The following HEATR4 variants were observed in gnomAD, a reference collection of about 807,000 sequenced individuals.
HEATR4 encodes HEAT repeat-containing protein 4.
HEATR4 carries 95 observed loss-of-function variants against 108.8 expected under a neutral mutation model. The ratio of observed to expected loss-of-function variants is 0.87; its 90% CI spans 0.74 to 1.04. The LOEUF (loss-of-function observed/expected upper bound fraction) is 1.04, where lower values mean the gene tolerates loss of function less well. HEATR4 is among the 50% of genes least tolerant of loss of function. The pLI is 0.00. For synonymous variants in HEATR4, 443 were observed against 459.4 expected, an observed-to-expected ratio of 0.96 and a Z score of 0.46; for missense variants, 1,152 against 1,253.8, an observed-to-expected ratio of 0.92 and a Z score of 1.23.
chr14:73,509,601 AT>A lies in HEATR4; in HGVS notation c.1559-129del. 1.1e-5 allele frequency: 10 copies of A among 879,112 alleles called. No homozygotes were observed. The South Asian group carries it at 1.5e-4, about 13-fold the overall frequency. 54.5% of individuals were successfully genotyped at this position (879,112 alleles called of 1,614,324 possible). On this transcript the variant is annotated intron_variant, in intron 7 of 17. Transcript: ENST00000553558. ...CAGTTGCTTAGTGCTATGTAATATA[AT>A]TACAGTTTAGCTGAGCCCTTCAGAT...
At chr14:73,622,996 G>A in the HEATR4 span, among the ~76,000 whole-genome samples, 1 of 151,780 alleles carries the variant, frequency 6.6e-6, no homozygotes, top group Non-Finnish European at 1.5e-5. Context: ...TGCAACATCC[G>A]CCTCCCGGGT....
At chr14:73,617,218 C>A in the HEATR4 span, 1 of 1,614,068 alleles carries the variant, frequency 6.2e-7, no homozygotes, top group Non-Finnish European at 8.5e-7. Context: ...CACCTGAGTG[C>A]AGAAGAGAGG....
the HEATR4 span, chr14:73,581,199 G>C: frequency 7.4e-5 from 11 of 149,622 alleles, no homozygotes; most frequent in Admixed American, 2.7e-4. Context: ...AACAAGATGT[G>C]TTAGACTGGG....
chr14:73,580,784 C>T, the HEATR4 span: 1 of 151,916 alleles, frequency 6.6e-6, no homozygotes, highest in South Asian at 2.1e-4. Context: ...GCATAAGGCA[C>T]AGAAGCACAG....
chr14:73,623,174 G>C, the HEATR4 span, among the ~76,000 whole-genome samples: 3 of 152,066 alleles, frequency 2.0e-5, no homozygotes, highest in African/African-American at 7.2e-5. Context: ...GCCTCCCAAA[G>C]TGCTGGGATT....
chr14:73,609,381 T>A, the HEATR4 span, among the ~76,000 whole-genome samples: 1 of 152,164 alleles, frequency 6.6e-6, no homozygotes, highest in South Asian at 2.1e-4. Context: ...GGGGTGCTCC[T>A]GCATATCACC....
chr14:73,580,073 G>A, the HEATR4 span, among the ~76,000 whole-genome samples: 1 of 152,026 alleles, frequency 6.6e-6, no homozygotes, highest in Non-Finnish European at 1.5e-5. Context: ...ACTCCAGCCT[G>A]GACAACAGAG....
At chr14:73,487,095 G>A (rs1374308202) in intron 17 of HEATR4, among the ~76,000 whole-genome samples, 7 of 143,258 alleles carry the variant, frequency 4.9e-5, no homozygotes, top group African/African-American at 1.5e-4. Context: ...GTGAAACCCC[G>A]TCTGTACTAA....
At chr14:73,533,633 C>G (rs1416570201) in intron 1 of HEATR4, among the ~76,000 whole-genome samples, 2 of 113,744 alleles carry the variant, frequency 1.8e-5, no homozygotes, top group Non-Finnish European at 3.8e-5. Context: ...GAGCTGAGAC[C>G]GCGCCACTGC....
the HEATR4 span, among the ~76,000 whole-genome samples, chr14:73,615,088 CAAA>C: frequency 2.5e-4 from 35 of 141,436 alleles, 1 homozygote; most frequent in Non-Finnish European, 9.2e-5. Context: ...GACTCCATCT[CAAA>C]AAAAAAAACA....
In HEATR4 at chr14:73,514,185, G is replaced by C. The variant is rs779951152; in HGVS notation, c.1260C>G (p.Pro420=). The C allele has an allele frequency of 1.2e-6, 2 of 1,614,184 alleles. No individual in the cohort carries two copies. The highest frequency in any genetic ancestry group is 3.3e-5 in the Admixed American group (2 of 60,008). The change falls in exon 6 of 18, where the codon CCC becomes CCG. Residue 420 remains proline, a synonymous_variant. Transcript: ENST00000553558. The part of the protein sequence containing the change: ...GALRWTALPT[P]AKDMLLQVGE... The stretch of plus-strand genomic sequence containing the variant: ...CCACCTGCAGCAGCATATCCTTGGC[G>C]GGGGTGGGCAAAGCAGTCCAGCGCA...
At chr14:73,583,103 G>C in the HEATR4 span, among the ~76,000 whole-genome samples, 1 of 151,960 alleles carries the variant, frequency 6.6e-6, no homozygotes, top group African/African-American at 2.4e-5. Flanking sequence ...CAGCACTTTG[G>C]GAGGCCGAGG....
At chr14:73,486,260 A>T (rs913356678) in intron 17 of HEATR4, among the ~76,000 whole-genome samples, 17 of 152,212 alleles carry the variant, frequency 1.1e-4, no homozygotes, top group Non-Finnish European at 8.8e-5. Flanking sequence ...ATCTCTAGAT[A>T]TTGCTAAATG....
chr14:73,551,281 G>A (rs114497790), intron 1 of HEATR4, among the ~76,000 whole-genome samples: 5,638 of 114,554 alleles, frequency 0.049, 1,446 homozygotes, highest in African/African-American at 0.15. Context: ...TAAAAACCCT[G>A]TTACAGGTAG....
chr14:73,522,298 TG>T lies in HEATR4; in HGVS notation c.854del (p.Pro285GlnfsTer51), dbSNP rs771637226. ...VILPPQEKKK[P>X]ELLLPVYYRL... ...TGTAGTAAACGGGAAGCAGCAGTTCTGGCTTCTTCTTTTCCTGTGGGGGCAG... is the reference window on the plus strand; with the variant it reads ...TGTAGTAAACGGGAAGCAGCAGTTCTGCTTCTTCTTTTCCTGTGGGGGCAG... On this transcript the variant is annotated frameshift_variant, in exon 3 of 18. Coordinates refer to ENST00000553558, the MANE Select transcript of HEATR4 (RefSeq NM_001220484.1). LOFTEE classifies it high-confidence loss of function. 4 of 1,614,090 alleles carry T rather than the reference TG, an allele frequency of 2.5e-6. No homozygotes were observed. The Middle Eastern group carries it at 5.0e-4, about 201-fold the overall frequency.
At chr14:73,597,752 C>T in the HEATR4 span, among the ~76,000 whole-genome samples, 2 of 151,752 alleles carry the variant, frequency 1.3e-5, no homozygotes, top group African/African-American at 4.8e-5. Context: ...TGCCACCATG[C>T]CTGGCTAATT....
the HEATR4 span, chr14:73,583,047 A>G: frequency 1.3e-5 from 2 of 152,096 alleles, no homozygotes; most frequent in Non-Finnish European, 2.9e-5. Context: ...CTCACTCACT[A>G]AAGAATGCAG....
chr14:73,522,039 G>T (rs1310964377), intron 3 of HEATR4, among the ~76,000 whole-genome samples: 1 of 152,218 alleles, frequency 6.6e-6, no homozygotes, highest in Non-Finnish European at 1.5e-5. Flanking sequence ...GATGCTGCTT[G>T]CATCCCATAA....
chr14:73,553,453 G>A (rs61147904), intron 1 of HEATR4, among the ~76,000 whole-genome samples: 15,365 of 111,948 alleles, frequency 0.14, 4,791 homozygotes, highest in African/African-American at 0.4. Context: ...TAGAGGTCCA[G>A]TGAGCCGGGA....
Sources: allele counts gnomAD v4.1 joint callset (sites outside exome capture counted in the v4.1 genomes callset), GRCh38; gene constraint gnomAD v4.1.1; transcripts MANE v1.5; gene names NCBI Gene and HGNC (gene_info 2026-07-23, HGNC 2026-07-21).